Variants in KIAA0825 observed in about 807,000 individuals in gnomAD.
The protein encoded by KIAA0825 is KIAA0825.
Under a neutral mutation model 147.6 loss-of-function variants are expected in KIAA0825, and 119 were observed. The ratio of observed to expected loss-of-function variants is 0.81; its 90% CI spans 0.69 to 0.94. The LOEUF (loss-of-function observed/expected upper bound fraction) is 0.94, where lower values mean the gene tolerates loss of function less well. Among genes scored for constraint, KIAA0825 ranks in the 40% least tolerant of loss-of-function variants. The pLI is 0.00. For synonymous variants in KIAA0825, 470 were observed against 518.1 expected (o/e 0.91, Z 1.26); for missense variants, 1,381 against 1,472.7 (o/e 0.94, Z 1.02).
At chr5:94,359,522 C>T (rs1437993264) in intron 20 of KIAA0825, among the ~76,000 whole-genome samples, 2 of 151,928 alleles carry the variant, frequency 1.3e-5, no homozygotes, top group South Asian at 2.1e-4. Context: ...TTGGGGAGGC[C>T]GAGATGGGAT....
intron 20 of KIAA0825, among the ~76,000 whole-genome samples, chr5:94,359,243 G>A (rs1257782924): frequency 1.3e-5 from 2 of 152,108 alleles, no homozygotes; most frequent in Non-Finnish European, 2.9e-5. Context: ...TAATTGGTTG[G>A]TAAGAGGCCT....
chr5:94,180,959 C>G (rs983822111), intron 20 of KIAA0825, among the ~76,000 whole-genome samples: 2 of 152,166 alleles, frequency 1.3e-5, no homozygotes, highest in African/African-American at 2.4e-5. Flanking sequence ...ATTTAGACCA[C>G]TTCCACCACT....
intron 16 of KIAA0825, among the ~76,000 whole-genome samples, chr5:94,402,860 T>C (rs1278315806): frequency 6.6e-6 from 1 of 151,904 alleles, no homozygotes; most frequent in Non-Finnish European, 1.5e-5. Context: ...CGAATACAGG[T>C]ACGTAATATA....
chr5:94,542,428 C>T (rs1315833723), intron 2 of KIAA0825, among the ~76,000 whole-genome samples: 2 of 152,190 alleles, frequency 1.3e-5, no homozygotes, highest in East Asian at 3.8e-4. Flanking sequence ...ATTTGTTTCT[C>T]TCCATGTGAT....
At chr5:94,469,199 C>A (rs1399690722) in intron 10 of KIAA0825, among the ~76,000 whole-genome samples, 2 of 150,566 alleles carry the variant, frequency 1.3e-5, no homozygotes, top group African/African-American at 4.9e-5. Context: ...GAGATGGAGT[C>A]TAGCTCTGTC....
intron 14 of KIAA0825, among the ~76,000 whole-genome samples, chr5:94,434,005 C>G (rs1756025952): frequency 1.3e-5 from 2 of 152,136 alleles, no homozygotes; most frequent in Admixed American, 1.3e-4. Flanking sequence ...AAGATAATTA[C>G]CAGAACAATT....
chr5:94,231,817 A>G (rs1378643992), intron 20 of KIAA0825, among the ~76,000 whole-genome samples: 1 of 152,168 alleles, frequency 6.6e-6, no homozygotes, highest in African/African-American at 2.4e-5. Context: ...CATCCATTCC[A>G]TGAAATAATT....
intron 20 of KIAA0825, among the ~76,000 whole-genome samples, chr5:94,301,840 A>G (rs1010623424): frequency 1.3e-5 from 2 of 152,162 alleles, no homozygotes; most frequent in African/African-American, 2.4e-5. Flanking sequence ...TTCACAAAGA[A>G]AGACTAACTA....
intron 20 of KIAA0825, among the ~76,000 whole-genome samples, chr5:94,236,629 C>T (rs935067343): frequency 1.2e-4 from 18 of 152,112 alleles, no homozygotes; most frequent in African/African-American, 2.2e-4. Flanking sequence ...CAAACAGCAT[C>T]GCATTCTACA....
At chr5:94,157,447 C>G (rs1276951023) in intron 20 of KIAA0825, among the ~76,000 whole-genome samples, 1 of 152,150 alleles carries the variant, frequency 6.6e-6, no homozygotes, top group African/African-American at 2.4e-5. Context: ...TAGGCAAGCA[C>G]AGTAGGGACT....
chr5:94,198,604 G>T (rs1771368942), intron 20 of KIAA0825, among the ~76,000 whole-genome samples: 1 of 151,994 alleles, frequency 6.6e-6, no homozygotes, highest in Non-Finnish European at 1.5e-5. Context: ...GTCAGGGGGT[G>T]GGAGGCAAGG....
At chr5:94,297,670 A>G (rs1368008399) in intron 20 of KIAA0825, among the ~76,000 whole-genome samples, 1 of 151,940 alleles carries the variant, frequency 6.6e-6, no homozygotes, top group African/African-American at 2.4e-5. Flanking sequence ...ATCCTGGCTC[A>G]CTTCAACCTC....
chr5:94,445,524 T>C (rs1757618287), intron 13 of KIAA0825, among the ~76,000 whole-genome samples: 1 of 152,082 alleles, frequency 6.6e-6, no homozygotes, highest in South Asian at 2.1e-4. Context: ...TGTCTCAACA[T>C]CCTCACCAAA....
intron 2 of KIAA0825, among the ~76,000 whole-genome samples, chr5:94,564,094 G>A (rs937228513): frequency 2.0e-5 from 3 of 151,904 alleles, no homozygotes; most frequent in African/African-American, 4.8e-5. Flanking sequence ...CACTAGTTCC[G>A]CTTTCTTTCT....
chr5:94,344,286 A>G (rs1384883138), intron 20 of KIAA0825, among the ~76,000 whole-genome samples: 4 of 152,238 alleles, frequency 2.6e-5, no homozygotes. Context: ...AGCTTCATCT[A>G]TATTCAACTG....
At chr5:94,289,416 T>C (rs1404171744) in intron 20 of KIAA0825, among the ~76,000 whole-genome samples, 1 of 151,256 alleles carries the variant, frequency 6.6e-6, no homozygotes, top group Non-Finnish European at 1.5e-5. Context: ...ACACCTGTAA[T>C]CCCAGCTACT....
chr5:94,160,247 G>A (rs1767424169), intron 20 of KIAA0825, among the ~76,000 whole-genome samples: 1 of 151,898 alleles, frequency 6.6e-6, no homozygotes, highest in African/African-American at 2.4e-5. Flanking sequence ...ATTCAGCTCT[G>A]TCCCAAGCTG....
intron 20 of KIAA0825, among the ~76,000 whole-genome samples, chr5:94,348,053 C>T (rs1017718690): frequency 5.9e-5 from 9 of 151,704 alleles, no homozygotes; most frequent in African/African-American, 1.2e-4. Flanking sequence ...ATTCAGAGCT[C>T]GAAGACAAGG....
At chr5:94,269,509 C>A (rs567022726) in intron 20 of KIAA0825, among the ~76,000 whole-genome samples, 1 of 152,090 alleles carries the variant, frequency 6.6e-6, no homozygotes, top group African/African-American at 2.4e-5. Context: ...AAAAATCCAT[C>A]TATCTGTTGC....
Sources: allele counts gnomAD v4.1 joint callset (sites outside exome capture counted in the v4.1 genomes callset), GRCh38; gene constraint gnomAD v4.1.1; transcripts MANE v1.5; gene names NCBI Gene and HGNC (gene_info 2026-07-23, HGNC 2026-07-21).